Variants in CDH18 observed in about 807,000 individuals in gnomAD.
CDH18 encodes cadherin-18.
Under a neutral mutation model 67.9 loss-of-function variants are expected in CDH18, and 31 were observed. The observed-to-expected ratio is 0.46, with a 90% CI of 0.34 to 0.62. The LOEUF is 0.62. CDH18 is among the 20% of genes least tolerant of loss of function. The probability of loss-of-function intolerance (pLI) is 0.01; values close to 1 mark genes in which losing one functional copy is unlikely to be tolerated. For missense variants in CDH18, 890 were observed against 975.5 expected (o/e 0.91, Z 1.17); for synonymous variants, 362 against 347.2 (o/e 1.04, Z -0.48).
At chr5:20,397,859 T>G (rs1745412097) in intron 1 of CDH18, among the ~76,000 whole-genome samples, 1 of 152,180 alleles carries the variant, frequency 6.6e-6, no homozygotes, top group African/African-American at 2.4e-5. Context: ...TGATAGCACA[T>G]TTCAATTTGA....
chr5:20,027,635 C>A (rs1039103436), intron 2 of CDH18, among the ~76,000 whole-genome samples: 1 of 152,166 alleles, frequency 6.6e-6, no homozygotes, highest in African/African-American at 2.4e-5. Flanking sequence ...TCAGTGTTTT[C>A]TCTGGTAATG....
intron 7 of CDH18, among the ~76,000 whole-genome samples, chr5:19,583,508 T>A (rs945086275): frequency 6.6e-6 from 1 of 152,134 alleles, no homozygotes; most frequent in Non-Finnish European, 1.5e-5. Flanking sequence ...GGTATTTCAT[T>A]CTTAGTTTGC....
intron 5 of CDH18, among the ~76,000 whole-genome samples, chr5:19,616,303 C>T (rs1749828806): frequency 6.6e-6 from 1 of 151,834 alleles, no homozygotes; most frequent in Admixed American, 6.6e-5. Context: ...CAGATACATA[C>T]ATTGATTCCC....
At chr5:19,625,153 A>T (rs955251532) in intron 5 of CDH18, among the ~76,000 whole-genome samples, 8 of 152,050 alleles carry the variant, frequency 5.3e-5, no homozygotes, top group African/African-American at 1.9e-4. Context: ...CCAACAGGTA[A>T]TTGCTGTCCT....
At position 19,966,986 on chromosome 5, in the gene CDH18, C is replaced by A. The variant is rs1056793831; in HGVS notation, c.-257+14074G>T. Among the ~76,000 whole-genome samples, 5 of 151,640 alleles carry A rather than the reference C, an allele frequency of 3.3e-5. No individual in the cohort carries two copies. In the South Asian group the frequency reaches 8.3e-4, roughly 25 times the overall value. ...CAAACCCATTAATTAAAATTTATAGCACATCCATATAATATATTTGCAACA... is the reference window on the plus strand; with the variant it reads ...CAAACCCATTAATTAAAATTTATAGAACATCCATATAATATATTTGCAACA... On this transcript the variant is annotated intron_variant, in intron 2 of 12. Transcript: ENST00000382275.
chr5:20,384,998 C>T (rs755803995), intron 1 of CDH18, among the ~76,000 whole-genome samples: 9 of 151,772 alleles, frequency 5.9e-5, no homozygotes, highest in Non-Finnish European at 1.3e-4. Context: ...CACCATGCCC[C>T]GCTAATTTTT....
At chr5:19,815,761 G>A (rs1398084985) in intron 3 of CDH18, among the ~76,000 whole-genome samples, 9 of 151,932 alleles carry the variant, frequency 5.9e-5, no homozygotes, top group East Asian at 5.8e-4. Context: ...TTTGAGCATC[G>A]CTCCTTTCTA....
chr5:20,347,981 T>C (rs1396917898), intron 1 of CDH18, among the ~76,000 whole-genome samples: 1 of 152,188 alleles, frequency 6.6e-6, no homozygotes, highest in Non-Finnish European at 1.5e-5. Flanking sequence ...CTCCAATGTC[T>C]GCATGTCTCA....
intron 2 of CDH18, among the ~76,000 whole-genome samples, chr5:20,017,665 T>C (rs746181835): frequency 1.2e-4 from 18 of 152,206 alleles, no homozygotes; most frequent in Non-Finnish European, 1.9e-4. Flanking sequence ...CACCAGTTGA[T>C]GTGGTGAGAA....
At chr5:20,262,981 A>G (rs1290192227) in intron 1 of CDH18, among the ~76,000 whole-genome samples, 1 of 120,694 alleles carries the variant, frequency 8.3e-6, no homozygotes, top group Non-Finnish European at 1.7e-5. Context: ...AAGGGAAGGG[A>G]AGGGAAGGGA....
intron 1 of CDH18, among the ~76,000 whole-genome samples, chr5:20,478,154 C>T (rs1191099643): frequency 6.6e-6 from 1 of 152,150 alleles, no homozygotes; most frequent in Non-Finnish European, 1.5e-5. Flanking sequence ...GTGCTGGCAT[C>T]AGTTGTGACC....
At chr5:20,272,124 G>C (rs1745482278) in intron 1 of CDH18, among the ~76,000 whole-genome samples, 1 of 152,144 alleles carries the variant, frequency 6.6e-6, no homozygotes, top group Middle Eastern at 3.4e-3. Flanking sequence ...ACAAAATAAA[G>C]AGGAAAGCAA....
rs530765885 is a variant in CDH18, at chr5:20,366,397, C to T, written c.-579-110892G>A. ...TTTTTTCCTGTTCCAATGACATGTC[C>T]TTTTCTAATTCACATTAACTATTGC... On this transcript the variant is annotated intron_variant, in intron 1 of 14. Transcript: ENST00000507958. Among the ~76,000 whole-genome samples, 3 of 152,174 alleles carry T rather than the reference C, an allele frequency of 2.0e-5. No homozygotes were observed. In the East Asian group the frequency reaches 5.8e-4, roughly 29 times the overall value.
intron 1 of CDH18, among the ~76,000 whole-genome samples, chr5:20,350,165 C>A (rs908402003): frequency 2.2e-4 from 33 of 151,958 alleles, no homozygotes; most frequent in African/African-American, 7.7e-4. Flanking sequence ...TCTTACATTA[C>A]AAAAAAATTT....
rs377692175 is a variant in CDH18 at position 20,218,628 on chromosome 5, G to A, written c.-518+36816C>T. On this transcript the variant is annotated intron_variant, in intron 2 of 14. Coordinates refer to the CDH18 transcript ENST00000507958. ...CAGTAGAAGATAATTTGAATCATGGGGGCAGTTTCCCCTCATATTGTTCTC... is the reference window on the plus strand; with the variant it reads ...CAGTAGAAGATAATTTGAATCATGGAGGCAGTTTCCCCTCATATTGTTCTC... Among the ~76,000 whole-genome samples, 8 of 151,958 alleles carry A rather than the reference G, an allele frequency of 5.3e-5. No homozygotes were observed. The East Asian group carries it at 1.2e-3, about 22-fold the overall frequency.
rs376624425 is a variant in CDH18 at position 19,549,389 on chromosome 5, C to T, written c.1254-5384G>A. Among the ~76,000 whole-genome samples, 88 of 152,228 alleles carry T rather than the reference C, an allele frequency of 5.8e-4. 1 individual carries two copies. Among genetic ancestry groups the T allele is most frequent in the African/African-American group, 1.9e-3 (81 of 41,562 alleles). On this transcript the variant is annotated intron_variant, in intron 8 of 12. Coordinates refer to ENST00000382275, the MANE Select transcript of CDH18 (RefSeq NM_004934.5). ...TGAGGCCAGAAGCAGATGCTGGCAC[C>T]ATGCTTCCTGCACACTCTGCAGAAT...
At chr5:20,325,660 A>G (rs908711163) in intron 1 of CDH18, among the ~76,000 whole-genome samples, 6 of 151,472 alleles carry the variant, frequency 4.0e-5, no homozygotes, top group Non-Finnish European at 8.8e-5. Context: ...TGTCTTTAGA[A>G]AAAAAAAAGA....
chr5:19,488,696 C>G (rs1368559244), intron 11 of CDH18, among the ~76,000 whole-genome samples: 1 of 152,146 alleles, frequency 6.6e-6, no homozygotes, highest in Admixed American at 6.5e-5. Context: ...ATGATTTGAA[C>G]TACACTCAGC....
rs550595447 is a variant in CDH18, at chr5:19,744,910, T to C, written c.523+2032A>G. On this transcript the variant is annotated intron_variant, in intron 4 of 12. Transcript: ENST00000382275. ...TTTACCAGGATTTTCCTATGTTTGA[T>C]TCTTATTCTATTTACTCTTCCTGGA... is the stretch of plus-strand genomic sequence containing the variant. 2.0e-5 allele frequency among the ~76,000 whole-genome samples: 3 copies of C among 152,320 alleles called. No homozygotes were observed. The East Asian group carries it at 5.8e-4, about 29-fold the overall frequency.
Sources: gnomAD v4.1 joint callset for allele counts (sites outside exome capture counted in the v4.1 genomes callset) on GRCh38, gnomAD v4.1.1 for gene constraint, MANE v1.5 for transcripts, NCBI Gene and HGNC (gene_info 2026-07-23, HGNC 2026-07-21) for gene names.